SNF8: variants seen among roughly 807,000 people sequenced by gnomAD.
The protein encoded by SNF8 is SNF8 subunit of ESCRT-II.
Under a neutral mutation model 36.8 loss-of-function variants are expected in SNF8, and 19 were observed. The observed-to-expected ratio is 0.52, with a 90% CI of 0.36 to 0.76. The LOEUF is 0.76. Among genes scored for constraint, SNF8 ranks in the 30% least tolerant of loss-of-function variants. The pLI is 0.00. For synonymous variants in SNF8, 127 were observed against 127.4 expected (o/e 1.00, Z 0.02); for missense variants, 268 against 322.9 (o/e 0.83, Z 1.30).
At chr17:48,935,322 G>A (rs531329918) in intron 5 of SNF8, among the ~76,000 whole-genome samples, 14 of 151,968 alleles carry the variant, frequency 9.2e-5, no homozygotes, top group Non-Finnish European at 1.8e-4. Flanking sequence ...GACCATCCTG[G>A]CTAACACAGT....
chr17:48,936,885 A>G lies in SNF8; in HGVS notation c.349+135T>C, dbSNP rs987862025. ...GCCATGGAGACTTGCCATGGATTCA[A>G]CTGCATGAAACAGCTAAGATGTCTC... On this transcript the variant is annotated intron_variant, in intron 4 of 7. Coordinates refer to ENST00000502492, the MANE Select transcript of SNF8 (RefSeq NM_007241.4). 4 of 711,012 alleles carry G rather than the reference A, an allele frequency of 5.6e-6. No individual in the cohort carries two copies. The Admixed American group carries it at 8.9e-5, about 16-fold the overall frequency. The allele number at this position is 711,012 out of a possible 1,614,324, so 44.0% of individuals were successfully genotyped here. A position where few individuals can be genotyped will look rare whatever the true frequency, so the allele number is the denominator to read the frequency against.
In SNF8 at chr17:48,933,188, C is replaced by CG; in HGVS notation, c.564+16dup. ...ACTGTCCCTTGCACACACACACACT[C>CG]GAAGGTGCACCAGTACCTCTGCCAG... On this transcript the variant is annotated intron_variant, in intron 6 of 7. Transcript: ENST00000502492. The CG allele has an allele frequency of 6.2e-7, 1 of 1,612,244 alleles. No individual in the cohort carries two copies. The highest frequency in any genetic ancestry group is 8.5e-7 in the Non-Finnish European group (1 of 1,179,524).
chr17:48,941,143 G>A, intron 2 of SNF8, 81 bp from the exon 3 acceptor site: 2 of 1,512,438 alleles, frequency 1.3e-6, no homozygotes, highest in Non-Finnish European at 1.8e-6. Context: ...CAGCCCTGTG[G>A]CAGGGCAAAG....
intron 6 of SNF8, chr17:48,932,749 CT>C (rs1378711402): frequency 6.5e-6 from 1 of 153,260 alleles, no homozygotes; most frequent in African/African-American, 2.4e-5. Context: ...GAAACTCCAT[CT>C]CAAAAATAAT....
chr17:48,929,718 A>G lies in SNF8; in HGVS notation c.*757T>C, dbSNP rs2040828946. The G allele has an allele frequency of 1.3e-5, 2 of 152,154 alleles. No homozygotes were observed. Among genetic ancestry groups the G allele is most frequent in the South Asian group, 2.1e-4 (1 of 4,830 alleles). 9.4% of individuals were successfully genotyped at this position (152,154 alleles called of 1,614,324 possible). On this transcript the variant is annotated 3_prime_UTR_variant, in exon 8 of 8. Transcript: ENST00000502492. ...CGGCTGAAGCTGGCGGCCCCTGGCA[A>G]ATTACTTTGATTGAATCACCTGTGA...
chr17:48,943,984 C>G lies in SNF8; in HGVS notation c.55-9G>C, dbSNP rs1287889730. On this transcript the variant is annotated splice_polypyrimidine_tract_variant and intron_variant, in intron 1 of 7. Coordinates refer to ENST00000502492, the MANE Select transcript of SNF8 (RefSeq NM_007241.4). The stretch of plus-strand genomic sequence containing the variant: ...CGCTCCTTATACTTGGCCTGTCAGA[C>G]AAAGAGACCAGCATAAGTTAAGAGA... 1 of 1,613,598 alleles carries G rather than the reference C, an allele frequency of 6.2e-7. No individual in the cohort carries two copies. Among genetic ancestry groups the G allele is most frequent in the Non-Finnish European group, 8.5e-7 (1 of 1,179,706 alleles).
chr17:48,940,715 G>A (rs193113851), intron 3 of SNF8, among the ~76,000 whole-genome samples: 165 of 152,224 alleles, frequency 1.1e-3, no homozygotes, highest in African/African-American at 3.5e-3. Context: ...GCGTGAACCC[G>A]GGAGGCAGAG....
At position 48,942,843 on chromosome 17, in the gene SNF8, C is replaced by T. The variant is rs563550342; in HGVS notation, c.105+1082G>A. On this transcript the variant is annotated intron_variant, in intron 2 of 7. Coordinates refer to ENST00000502492, the MANE Select transcript of SNF8 (RefSeq NM_007241.4). ...GATTACAGGCGTTAGCCACCGCACCCGGCCTTTTTTTTTTTTTTTTTTTTT... is the reference window on the plus strand; with the variant it reads ...GATTACAGGCGTTAGCCACCGCACCTGGCCTTTTTTTTTTTTTTTTTTTTT... 6.0e-3 allele frequency among the ~76,000 whole-genome samples: 816 copies of T among 135,090 alleles called. 10 individuals carry two copies. The highest frequency in any genetic ancestry group is 0.021 in the African/African-American group (782 of 36,678). 88.6% of individuals were successfully genotyped at this position (135,090 alleles called of 152,430 possible).
intron 3 of SNF8, among the ~76,000 whole-genome samples, chr17:48,940,551 G>A (rs2041004997): frequency 6.6e-6 from 1 of 151,904 alleles, no homozygotes; most frequent in Non-Finnish European, 1.5e-5. Context: ...AGCACTTTGG[G>A]AGGCCGAGGC....
chr17:48,930,085 G>C lies in SNF8; in HGVS notation c.*390C>G, dbSNP rs1216341189. On this transcript the variant is annotated 3_prime_UTR_variant, in exon 8 of 8. Transcript: ENST00000502492. ...GTGAATATTATTTACTGGTCCATTA[G>C]GACCAGCTAGTTTGAGATAAGGAAC... 1 of 155,028 alleles carries C rather than the reference G, an allele frequency of 6.5e-6. No individual in the cohort carries two copies. Among genetic ancestry groups the C allele is most frequent in the Non-Finnish European group, 1.4e-5 (1 of 69,926 alleles). The allele number at this position is 155,028 out of a possible 1,614,324, so 9.6% of individuals were successfully genotyped here.
At chr17:48,939,389 GA>G (rs2143812204) in intron 3 of SNF8, among the ~76,000 whole-genome samples, 1 of 151,756 alleles carries the variant, frequency 6.6e-6, no homozygotes, top group Non-Finnish European at 1.5e-5. Flanking sequence ...GCAGTGGGCT[GA>G]TTGCACCAAT....
At chr17:48,940,786 T>C (rs1023692336) in intron 3 of SNF8, 138 bp downstream of exon 3, 2 of 1,022,938 alleles carry the variant, frequency 2.0e-6, no homozygotes, top group African/African-American at 3.2e-5. Context: ...CAAAACTCCG[T>C]CTCAAAAAGA....
intron 2 of SNF8, among the ~76,000 whole-genome samples, chr17:48,943,197 C>T (rs1056075271): frequency 3.3e-5 from 5 of 149,730 alleles, no homozygotes; most frequent in East Asian, 2.1e-4. Context: ...TGGCCGGGCG[C>T]GGTGGCTCAC....
At chr17:48,939,451 G>A (rs1388111641) in intron 3 of SNF8, among the ~76,000 whole-genome samples, 1 of 139,636 alleles carries the variant, frequency 7.2e-6, no homozygotes, top group Non-Finnish European at 1.6e-5. Context: ...TAATAAATTA[G>A]TAATTTCTTT....
chr17:48,935,021 C>T (rs903599160), intron 5 of SNF8, among the ~76,000 whole-genome samples: 1 of 152,148 alleles, frequency 6.6e-6, no homozygotes, highest in African/African-American at 2.4e-5. Context: ...CACCTCCTTC[C>T]CCAGCCTTTC....
chr17:48,935,181 G>A (rs2040916410), intron 5 of SNF8, among the ~76,000 whole-genome samples: 1 of 151,830 alleles, frequency 6.6e-6, no homozygotes, highest in Non-Finnish European at 1.5e-5. Flanking sequence ...AACCAGCCTG[G>A]CCAACAACGT....
chr17:48,942,186 C>G (rs1184133511), intron 2 of SNF8, among the ~76,000 whole-genome samples: 1 of 151,974 alleles, frequency 6.6e-6, no homozygotes, highest in African/African-American at 2.4e-5. Context: ...CAAGGACCAT[C>G]TTCTATCCCA....
chr17:48,935,635 C>T (rs1010892811), intron 5 of SNF8: 2 of 152,246 alleles, frequency 1.3e-5, no homozygotes, highest in African/African-American at 2.4e-5. Flanking sequence ...GAGCTAAGAT[C>T]GGGTCACTGC....
At position 48,930,615 on chromosome 17, in the gene SNF8, G is replaced by A. The variant is rs2040844048; in HGVS notation, c.640-3C>T. On this transcript the variant is annotated splice_region_variant and splice_polypyrimidine_tract_variant and intron_variant, in intron 7 of 7. Transcript: ENST00000502492. Reference sequence around the variant, plus strand: ...AACCCTTCCTTCAGCAGGTGTTCCTGGAGGGAAAAGGGAAGAAGAGCAGTT... The same window carrying A: ...AACCCTTCCTTCAGCAGGTGTTCCTAGAGGGAAAAGGGAAGAAGAGCAGTT... 6.2e-7 allele frequency: 1 copy of A among 1,612,700 alleles called. No homozygotes were observed. Among genetic ancestry groups the A allele is most frequent in the African/African-American group, 1.3e-5 (1 of 74,986 alleles).
Sources: gnomAD v4.1 joint callset for allele counts (sites outside exome capture counted in the v4.1 genomes callset) on GRCh38, gnomAD v4.1.1 for gene constraint, MANE v1.5 for transcripts, NCBI Gene and HGNC (gene_info 2026-07-23, HGNC 2026-07-21) for gene names.